The following TNRC18 variants were observed in gnomAD, a reference collection of about 807,000 sequenced individuals.
TNRC18 encodes the protein trinucleotide repeat-containing gene 18 protein.
In TNRC18, 69 loss-of-function variants were observed where a neutral mutation model predicts 226.7. The observed-to-expected ratio is 0.30, with a 90% CI of 0.25 to 0.37. The LOEUF (loss-of-function observed/expected upper bound fraction) is 0.37. Ranked by LOEUF, TNRC18 falls within the 10% of genes least tolerant of loss-of-function variation. The pLI, the probability that TNRC18 is intolerant of heterozygous loss-of-function variation, is 1.00. For missense variants in TNRC18, 4,754 were observed against 4,256.6 expected (o/e 1.12, Z -3.25); for synonymous variants, 2,449 against 1,927.6 (o/e 1.27, Z -7.09).
intron 18 of TNRC18, among the ~76,000 whole-genome samples, chr7:5,343,389 A>T (rs1243757402): frequency 6.6e-6 from 1 of 152,140 alleles, no homozygotes; most frequent in Non-Finnish European, 1.5e-5. Flanking sequence ...TGCACACTTA[A>T]GAGACTACAG....
At chr7:5,357,414 ATTTATT>A in intron 15 of TNRC18, 138 bp from the exon 16 acceptor site, 2 of 985,016 alleles carry the variant, frequency 2.0e-6, no homozygotes, top group Non-Finnish European at 2.8e-6. Flanking sequence ...ACGCATATAT[ATTTATT>A]TTTTTTTTAG....
intron 4 of TNRC18, 27 bp from the exon 5 acceptor site, chr7:5,389,363 G>C: frequency 4.8e-6 from 6 of 1,245,618 alleles, no homozygotes; most frequent in Non-Finnish European, 6.0e-6. Context: ...AGCAGGCAGT[G>C]AGCGAGCGCC....
chr7:5,397,797 G>GACC (rs1780797611), intron 2 of TNRC18, among the ~76,000 whole-genome samples: 1 of 152,032 alleles, frequency 6.6e-6, no homozygotes, highest in Admixed American at 6.6e-5. Context: ...AGTGACCTGT[G>GACC]ACCACCCACA....
intron 18 of TNRC18, among the ~76,000 whole-genome samples, chr7:5,341,861 C>T (rs554637328): frequency 6.6e-6 from 1 of 151,898 alleles, no homozygotes; most frequent in African/African-American, 2.4e-5. Context: ...CTGTTGAGAC[C>T]TATTGTTCAC....
At position 5,309,888 on chromosome 7, in the gene TNRC18, A is replaced by T. The variant is rs1349624258; in HGVS notation, c.8389-520T>A. On this transcript the variant is annotated intron_variant, in intron 27 of 29. Transcript: ENST00000430969. The surrounding 1 kb of genome is among the most constrained non-coding windows in gnomAD (Gnocchi z 5.7). ...AAGCACTAGGATCGCAGTGTCAGCC[A>T]CTGCACCTGGCCTTATTTTTCTTTT... 6.6e-6 allele frequency among the ~76,000 whole-genome samples: 1 copy of T among 151,956 alleles called. No homozygotes were observed. The highest frequency in any genetic ancestry group is 1.5e-5 in the Non-Finnish European group (1 of 67,984).
chr7:5,337,712 C>T lies in TNRC18; in HGVS notation c.5720-4663G>A, dbSNP rs1023594118. 3.9e-5 allele frequency among the ~76,000 whole-genome samples: 6 copies of T among 151,976 alleles called. 1 individual carries two copies. Among genetic ancestry groups the T allele is most frequent in the Admixed American group, 2.6e-4 (4 of 15,234 alleles). ...TTAAAACTAAGTTTGTGGTCGGGTC[C>T]GGGGGCTCATGCCTGTAATCCCAGC... On this transcript the variant is annotated intron_variant, in intron 18 of 29. Transcript: ENST00000430969.
chr7:5,310,675 C>A (rs998922787), intron 27 of TNRC18, among the ~76,000 whole-genome samples: 1 of 152,246 alleles, frequency 6.6e-6, no homozygotes, highest in African/African-American at 2.4e-5. Context: ...GCTGGGATTA[C>A]AGACTTAAGC....
In TNRC18 at chr7:5,312,753, G is replaced by A. The variant is rs1423202870; in HGVS notation, c.8138C>T (p.Ser2713Leu). 8.5e-6 allele frequency: 13 copies of A among 1,537,286 alleles called. No individual in the cohort carries two copies. Among genetic ancestry groups the A allele is most frequent in the East Asian group, 4.5e-5 (2 of 44,222 alleles). The stretch of plus-strand genomic sequence containing the variant: ...CGTCTTCTTGCCTGGGGAGTGGGCC[G>A]AGGGCCGCGCCTTGCCGGCCTGCTT... ...ATKQAGKARP[S>L]AHSPGKKTPA... The change falls in exon 27 of 30, where the codon TCG (serine) becomes TTG (leucine). Residue 2713 changes from serine to leucine, a missense_variant. Ser to Leu is a moderately radical substitution (Grantham distance 145). Coordinates refer to ENST00000430969, the MANE Select transcript of TNRC18 (RefSeq NM_001080495.3). This position sits in a 1 kb window ranked among gnomAD's most constrained non-coding sequence, Gnocchi z 6.3.
At chr7:5,366,457 G>A (rs1271225153) in intron 11 of TNRC18, among the ~76,000 whole-genome samples, 1 of 150,216 alleles carries the variant, frequency 6.7e-6, no homozygotes, top group East Asian at 2.0e-4. Context: ...CTGAGTAGCT[G>A]GGACTACAGG....
Position 5,332,854 on chromosome 7 carries a change from C to T in TNRC18, c.5915G>A (p.Arg1972Gln), listed in dbSNP as rs1406265006. 2 of 1,510,718 alleles carry T rather than the reference C, an allele frequency of 1.3e-6. No homozygotes were observed. The highest frequency in any genetic ancestry group is 1.4e-5 in the African/African-American group (1 of 70,360). 93.6% of individuals were successfully genotyped at this position (1,510,718 alleles called of 1,614,324 possible). A position where few individuals can be genotyped will look rare whatever the true frequency, so the allele number is the denominator to read the frequency against. The change falls in exon 19 of 30, where the codon CGG becomes CAG. Residue 1972 changes from arginine (R) to glutamine (Q), a missense_variant. Coordinates refer to ENST00000430969, the MANE Select transcript of TNRC18 (RefSeq NM_001080495.3). ...AGGCTCCTTGGGGCCCCGCAGCTTC[C>T]GGGCCTTGCGCCCCTTCTCCACCGC... ...KLAVEKGRKARKLRGPKEPGF... is the reference protein window; with the variant it reads ...KLAVEKGRKAQKLRGPKEPGF...
At chr7:5,347,474 G>A (rs1471845794) in intron 17 of TNRC18, among the ~76,000 whole-genome samples, 1 of 150,416 alleles carries the variant, frequency 6.6e-6, no homozygotes, top group Non-Finnish European at 1.5e-5. Context: ...GGGATTACAG[G>A]CATGAGCCGC....
Position 5,416,563 on chromosome 7 carries a change from T to C in TNRC18, c.187+4497A>G, listed in dbSNP as rs142041952. Among the ~76,000 whole-genome samples the C allele has an allele frequency of 2.0e-3, 294 of 145,090 alleles. 1 individual carries two copies. The highest frequency in any genetic ancestry group is 7.0e-3 in the African/African-American group (271 of 38,970). ...AGGGAGACCCTGTCTCTACAGAAAA[T>C]TTTAAAATTAGGCCAGGCATGGTGG... is the stretch of plus-strand genomic sequence containing the variant. On this transcript the variant is annotated intron_variant, in intron 2 of 29. Transcript: ENST00000430969.
Position 5,325,204 on chromosome 7 carries a change from C to A in TNRC18, c.6192G>T (p.Pro2064=), listed in dbSNP as rs543363249. 6.4e-7 allele frequency: 1 copy of A among 1,554,268 alleles called. No homozygotes were observed. The highest frequency in any genetic ancestry group is 8.7e-7 in the Non-Finnish European group (1 of 1,150,986). Reference sequence around the variant, plus strand: ...CAGAGGGCAAGGCAGGAGCTCGGGGCGGCGGCAGCCCAGCTCCTGGCCCAG... The same window carrying A: ...CAGAGGGCAAGGCAGGAGCTCGGGGAGGCGGCAGCCCAGCTCCTGGCCCAG... ...KEAGPGAGLP[P]PRAPALPSEA... Residue 2064 remains proline (P), a synonymous_variant, in exon 20 of 30, where the codon CCG becomes CCT. Transcript: ENST00000430969.
intron 16 of TNRC18, 81 bp downstream of exon 16, chr7:5,356,835 G>T (rs942625024): frequency 6.2e-6 from 9 of 1,441,116 alleles, no homozygotes; most frequent in Non-Finnish European, 5.5e-6. Context: ...AGGGGCGGGG[G>T]GGGAAGGAGG....
rs572248874 is a variant in TNRC18 at position 5,363,749 on chromosome 7, C to T, written c.4220-924G>A. On this transcript the variant is annotated intron_variant, in intron 11 of 29. Coordinates refer to ENST00000430969, the MANE Select transcript of TNRC18 (RefSeq NM_001080495.3). The stretch of plus-strand genomic sequence containing the variant: ...GACCGAAGGGTTCTTTCCAGCAGTA[C>T]GGCTCTCCTTCCACTTATTTGTACG... 2.3e-3 allele frequency among the ~76,000 whole-genome samples: 349 copies of T among 152,212 alleles called. 2 individuals carry two copies. Among genetic ancestry groups the T allele is most frequent in the African/African-American group, 4.8e-3 (200 of 41,532 alleles).
chr7:5,415,147 C>T (rs1448729615), intron 2 of TNRC18, among the ~76,000 whole-genome samples: 2 of 152,140 alleles, frequency 1.3e-5, no homozygotes, highest in African/African-American at 4.8e-5. Context: ...ACCTCCCCCA[C>T]ATCCCCTCCC....
Position 5,308,130 on chromosome 7 carries a change from C to A in TNRC18, c.8883G>T (p.Thr2961=), listed in dbSNP as rs368673254. 1.9e-5 allele frequency: 29 copies of A among 1,557,304 alleles called. 1 individual carries two copies. In the African/African-American group the frequency reaches 2.5e-4, roughly 13 times the overall value. ...YEPTTGMIFS[T]DGVPVLC is the part of the protein sequence containing the mutation. ...CTCAGCAGAGCACGGGCACGCCGTC[C>A]GTGGAGAAGATCATGCCCGTGGTGG... Residue 2961 remains threonine (T), a synonymous_variant, in exon 30 of 30, where the codon ACG becomes ACT. Coordinates refer to ENST00000430969, the MANE Select transcript of TNRC18 (RefSeq NM_001080495.3).
Position 5,352,390 on chromosome 7 carries a change from C to T in TNRC18, c.5195-296G>A, listed in dbSNP as rs117965393. On this transcript the variant is annotated intron_variant, in intron 16 of 29. Coordinates refer to ENST00000430969, the MANE Select transcript of TNRC18 (RefSeq NM_001080495.3). ...CACCCACCAGTCACTCCAGGCTTTC[C>T]GGGCACCGGAGGATGAGAGAAGCCC... Among the ~76,000 whole-genome samples, 1,427 of 152,236 alleles carry T rather than the reference C, an allele frequency of 9.4e-3. 21 individuals carry two copies. The highest frequency in any genetic ancestry group is 0.053 in the South Asian group (257 of 4,814).
chr7:5,307,429 C>G lies in TNRC18; in HGVS notation c.*677G>C, dbSNP rs1302687222. 2 of 348,056 alleles carry G rather than the reference C, an allele frequency of 5.7e-6. No homozygotes were observed. The highest frequency in any genetic ancestry group is 5.9e-6 in the Non-Finnish European group (1 of 168,790). The allele number at this position is 348,056 out of a possible 1,614,324, so 21.6% of individuals were successfully genotyped here. A position where few individuals can be genotyped will look rare whatever the true frequency, so the allele number is the denominator to read the frequency against. On this transcript the variant is annotated 3_prime_UTR_variant, in exon 30 of 30. Transcript: ENST00000430969. ...GCCAGGCGTGGCCGGGCGACAGTTT[C>G]AGCACCATTGGGGTTTTCTGTAGTG...
Sources: gnomAD v4.1 joint callset for allele counts (sites outside exome capture counted in the v4.1 genomes callset) on GRCh38, gnomAD v4.1.1 for gene constraint, Gnocchi (gnomAD v3.1) non-coding constraint, MANE v1.5 for transcripts, NCBI Gene and HGNC (gene_info 2026-07-23, HGNC 2026-07-21) for gene names.